HHAT: variants seen among roughly 807,000 people sequenced by gnomAD.
HHAT encodes hedgehog acyltransferase.
A neutral mutation model predicts 70.8 loss-of-function variants in HHAT; 47 were observed. The ratio of observed to expected loss-of-function variants is 0.66; its 90% CI spans 0.53 to 0.85. HHAT has a LOEUF of 0.85. Among genes scored for constraint, HHAT ranks in the 40% least tolerant of loss-of-function variants. The pLI is 0.00. For missense variants in HHAT, 609 were observed against 604.8 expected, an observed-to-expected ratio of 1.01 and a Z score of -0.07; for synonymous variants, 228 against 247.6, an observed-to-expected ratio of 0.92 and a Z score of 0.74.
At chr1:210,393,955 G>A (rs2091616054) in intron 4 of HHAT, among the ~76,000 whole-genome samples, 1 of 152,114 alleles carries the variant, frequency 6.6e-6, no homozygotes, top group South Asian at 2.1e-4. Context: ...GTTCCAGATG[G>A]CCTTAATTCG....
chr1:210,356,007 C>T (rs911182715), intron 2 of HHAT, among the ~76,000 whole-genome samples: 1 of 151,994 alleles, frequency 6.6e-6, no homozygotes, highest in African/African-American at 2.4e-5. Flanking sequence ...AACTCAAGTG[C>T]TTGGGCTCAA....
intron 7 of HHAT, among the ~76,000 whole-genome samples, chr1:210,437,967 A>C (rs1440839141): frequency 1.3e-5 from 2 of 151,806 alleles, no homozygotes; most frequent in Admixed American, 1.3e-4. Context: ...CATCTCACAT[A>C]TAAGGTTGCA....
chr1:210,380,137 G>C (rs11119477), intron 3 of HHAT, among the ~76,000 whole-genome samples: 3,612 of 152,234 alleles, frequency 0.024, 159 homozygotes, highest in African/African-American at 0.082. Flanking sequence ...TTTTTATTGA[G>C]TATCTAATAT....
chr1:210,480,101 T>C (rs1422722995), intron 8 of HHAT, among the ~76,000 whole-genome samples: 1 of 152,232 alleles, frequency 6.6e-6, no homozygotes, highest in Non-Finnish European at 1.5e-5. Flanking sequence ...GGTGTGTGTG[T>C]GTATGTGTGT....
chr1:210,478,974 G>A (rs1165625055), intron 8 of HHAT, among the ~76,000 whole-genome samples: 2 of 150,942 alleles, frequency 1.3e-5, no homozygotes, highest in Non-Finnish European at 3.0e-5. Context: ...TCTGACCCGT[G>A]TGGGCTTAAA....
At chr1:210,373,204 T>C (rs1558379277) in intron 3 of HHAT, among the ~76,000 whole-genome samples, 1 of 151,966 alleles carries the variant, frequency 6.6e-6, no homozygotes, top group South Asian at 2.1e-4. Context: ...TTCAGACTTA[T>C]ATAAGTGCCA....
chr1:210,495,611 A>C (rs2094624619), intron 8 of HHAT, among the ~76,000 whole-genome samples: 1 of 152,210 alleles, frequency 6.6e-6, no homozygotes, highest in Non-Finnish European at 1.5e-5. Context: ...ATGTATGTAT[A>C]GAAGGAATTC....
chr1:210,542,176 G>A (rs759494079), intron 9 of HHAT, among the ~76,000 whole-genome samples: 4 of 152,114 alleles, frequency 2.6e-5, no homozygotes, highest in Non-Finnish European at 5.9e-5. Context: ...ATTGACAGAC[G>A]ACAACCTACG....
intron 9 of HHAT, among the ~76,000 whole-genome samples, chr1:210,539,736 A>G (rs2095409683): frequency 6.6e-6 from 1 of 152,088 alleles, no homozygotes; most frequent in Non-Finnish European, 1.5e-5. Context: ...GTCAGAGAGG[A>G]GCAGAGAAGC....
At chr1:210,551,256 G>A (rs954194520) in intron 9 of HHAT, among the ~76,000 whole-genome samples, 3 of 148,818 alleles carry the variant, frequency 2.0e-5, no homozygotes, top group Admixed American at 6.9e-5. Flanking sequence ...AAAGCCCAGG[G>A]AGAGAGGGGA....
At chr1:210,329,532 C>G in intron 1 of HHAT, 2 of 975,000 alleles carry the variant, frequency 2.1e-6, no homozygotes, top group Non-Finnish European at 2.4e-6. Flanking sequence ...TTTTCTTCCT[C>G]TGTTCTGAGT....
intron 5 of HHAT, among the ~76,000 whole-genome samples, chr1:210,402,331 C>A (rs1362664503): frequency 1.4e-4 from 21 of 152,186 alleles, no homozygotes. Flanking sequence ...CCACCTTCAT[C>A]GACCTTCTCC....
chr1:210,374,460 G>A (rs1000980326), intron 3 of HHAT, among the ~76,000 whole-genome samples: 2 of 152,146 alleles, frequency 1.3e-5, no homozygotes, highest in Non-Finnish European at 2.9e-5. Context: ...TATGTGCAGG[G>A]TACTATGGGT....
intron 2 of HHAT, 54 bp downstream of exon 2, chr1:210,349,120 A>T: frequency 6.4e-7 from 1 of 1,574,272 alleles, no homozygotes; most frequent in Non-Finnish European, 8.7e-7. Flanking sequence ...TCCTGTCAAA[A>T]AAAGGAGCAG....
chr1:210,375,663 C>CT (rs375459036), intron 3 of HHAT, among the ~76,000 whole-genome samples: 121 of 147,290 alleles, frequency 8.2e-4, no homozygotes, highest in African/African-American at 1.2e-3. Flanking sequence ...ATTTGGAGAT[C>CT]TTTTTTTTTT....
chr1:210,502,047 A>G (rs1449132938), intron 8 of HHAT, among the ~76,000 whole-genome samples: 5 of 148,056 alleles, frequency 3.4e-5, no homozygotes, highest in Admixed American at 6.7e-5. Context: ...TTTAAGTGGA[A>G]TGTTATTATA....
At chr1:210,361,655 C>T (rs1214610124) in intron 2 of HHAT, among the ~76,000 whole-genome samples, 1 of 151,836 alleles carries the variant, frequency 6.6e-6, no homozygotes, top group Non-Finnish European at 1.5e-5. Context: ...CTGGATAGCT[C>T]CTTTTTGGTT....
Position 210,600,366 on chromosome 1 carries a change from T to C in HHAT, c.1245+12267T>C, listed in dbSNP as rs1244495201. Among the ~76,000 whole-genome samples, 3 of 152,286 alleles carry C rather than the reference T, an allele frequency of 2.0e-5. No homozygotes were observed. The East Asian group carries it at 5.8e-4, about 29-fold the overall frequency. ...TAGGCAGCAACATGAAGAATATAGA[T>C]TGAATACCGAAAAAAACTAAAACTG... On this transcript the variant is annotated intron_variant, in intron 10 of 11. Coordinates refer to ENST00000261458, the MANE Select transcript of HHAT (RefSeq NM_018194.6).
intron 2 of HHAT, among the ~76,000 whole-genome samples, chr1:210,356,037 C>T (rs2087574839): frequency 6.6e-6 from 1 of 152,052 alleles, no homozygotes; most frequent in Non-Finnish European, 1.5e-5. Context: ...CAACCTCGGC[C>T]TCCTAAGTAG....
Sources: allele counts gnomAD v4.1 joint callset (sites outside exome capture counted in the v4.1 genomes callset), GRCh38; gene constraint gnomAD v4.1.1; transcripts MANE v1.5; gene names NCBI Gene and HGNC (gene_info 2026-07-23, HGNC 2026-07-21).